Variants in ALDH5A1 observed in about 807,000 individuals in gnomAD.
ALDH5A1 encodes the protein succinate-semialdehyde dehydrogenase, mitochondrial.
In ALDH5A1, 33 loss-of-function variants were observed where a neutral mutation model predicts 54.7. That is an observed-to-expected ratio of 0.60 (90% confidence interval 0.46 to 0.81). The LOEUF (loss-of-function observed/expected upper bound fraction) is 0.81, where lower values mean the gene tolerates loss of function less well. Ranked by LOEUF, ALDH5A1 falls within the 30% of genes least tolerant of loss-of-function variation. ALDH5A1 has a pLI of 0.00. For synonymous variants in ALDH5A1, 294 were observed against 292.7 expected (o/e 1.00, Z -0.05); for missense variants, 657 against 711.0 (o/e 0.92, Z 0.86).
chr6:24,532,290 T>A, intron 9 of ALDH5A1, 113 bp downstream of exon 9: 1 of 1,044,930 alleles, frequency 9.6e-7, no homozygotes, highest in Non-Finnish European at 1.5e-6. Context: ...CAATGAGGTA[T>A]GTGTTTTGTT....
chr6:24,527,877 A>G, intron 7 of ALDH5A1, 120 bp from the exon 8 acceptor site: 1 of 1,140,300 alleles, frequency 8.8e-7, no homozygotes, highest in Non-Finnish European at 1.3e-6. Context: ...AGCATGCTTT[A>G]TTGTTAACCT....
intron 1 of ALDH5A1, among the ~76,000 whole-genome samples, chr6:24,498,366 G>A (rs1423494194): frequency 2.0e-5 from 3 of 152,172 alleles, no homozygotes; most frequent in Non-Finnish European, 2.9e-5. Context: ...TCACAGGAAA[G>A]GAGTGGACCA....
Position 24,528,020 on chromosome 6 carries a change from C to T in ALDH5A1, c.1197C>T (p.Ala399=), listed in dbSNP as rs747534238. The change falls in exon 8 of 10, where the codon GCC becomes GCT. Residue 399 remains alanine, a synonymous_variant. Coordinates refer to ENST00000357578, the MANE Select transcript of ALDH5A1 (RefSeq NM_001080.3). Reference sequence around the variant, plus strand: ...AGGTGGAGAAACAGGTGAATGATGCCGTTTCTAAAGGTGCCACCGTTGTGA... The same window carrying T: ...AGGTGGAGAAACAGGTGAATGATGCTGTTTCTAAAGGTGCCACCGTTGTGA... ...VEKVEKQVND[A]VSKGATVVTG... 6.2e-6 allele frequency: 10 copies of T among 1,613,854 alleles called. No homozygotes were observed. Among genetic ancestry groups the T allele is most frequent in the Non-Finnish European group, 8.5e-6 (10 of 1,179,948 alleles).
rs1760011305 is a variant in ALDH5A1, at chr6:24,534,761, G to A, written c.*1049G>A. The A allele has an allele frequency of 6.6e-6, 1 of 152,336 alleles. No homozygotes were observed. 9.4% of individuals were successfully genotyped at this position (152,336 alleles called of 1,614,324 possible). A position where few individuals can be genotyped will look rare whatever the true frequency, so the allele number is the denominator to read the frequency against. On this transcript the variant is annotated 3_prime_UTR_variant, in exon 10 of 10. Coordinates refer to ENST00000357578, the MANE Select transcript of ALDH5A1 (RefSeq NM_001080.3). ...AGTGCCCACTTGCCCACCGACCTGA[G>A]CCTGAGTAAGTGGCTGTCACCTGAG...
At chr6:24,503,130 A>T (rs1759238322) in intron 2 of ALDH5A1, 133 bp from the exon 3 acceptor site, 5 of 1,105,610 alleles carry the variant, frequency 4.5e-6, no homozygotes, top group Non-Finnish European at 6.5e-6. Flanking sequence ...CAAAGTCAGA[A>T]ATTTTCCCCA....
chr6:24,502,207 T>C (rs562510428), intron 1 of ALDH5A1, among the ~76,000 whole-genome samples: 16 of 152,264 alleles, frequency 1.1e-4, no homozygotes, highest in Admixed American at 9.2e-4. Flanking sequence ...GTGAATTTGC[T>C]CTTCCTCTGC....
chr6:24,502,523 G>A lies in ALDH5A1; in HGVS notation c.355G>A (p.Glu119Lys), dbSNP rs763173446. 6.2e-6 allele frequency: 10 copies of A among 1,607,640 alleles called. No homozygotes were observed. The highest frequency in any genetic ancestry group is 8.5e-6 in the Non-Finnish European group (10 of 1,174,286). The change falls in exon 2 of 10, where the codon GAG (glutamate) becomes AAG (lysine). Residue 119 changes from glutamate to lysine, a missense_variant and splice_region_variant. Coordinates refer to ENST00000357578, the MANE Select transcript of ALDH5A1 (RefSeq NM_001080.3). ...TTCTGCCTTGTTATTTCTTTTGCAG[G>A]AGAGGAGTTCATTACTTCGGAAGTG... The part of the protein sequence containing the change: ...FCRWREVSAK[E>K]RSSLLRKWYN...
intron 1 of ALDH5A1, among the ~76,000 whole-genome samples, chr6:24,497,323 G>A (rs182086393): frequency 3.3e-5 from 5 of 149,388 alleles, no homozygotes; most frequent in Admixed American, 1.3e-4. Flanking sequence ...TGATTGGTGC[G>A]TTTTACAGAG....
rs188350850 is a variant in ALDH5A1 at position 24,499,008 on chromosome 6, G to A, written c.355-3515G>A. ...CCAGCTACTCAGGAGGCTGAGCCAA[G>A]GAGAATTGCTTGAACCTGGGAGGCG... On this transcript the variant is annotated intron_variant, in intron 1 of 9. Coordinates refer to ENST00000357578, the MANE Select transcript of ALDH5A1 (RefSeq NM_001080.3). Among the ~76,000 whole-genome samples, 594 of 151,594 alleles carry A rather than the reference G, an allele frequency of 3.9e-3. 1 individual carries two copies. The highest frequency in any genetic ancestry group is 0.013 in the African/African-American group (552 of 41,318).
At chr6:24,526,692 G>GAAAT (rs1386290876) in intron 7 of ALDH5A1, among the ~76,000 whole-genome samples, 1 of 151,232 alleles carries the variant, frequency 6.6e-6, no homozygotes, top group Non-Finnish European at 1.5e-5. Flanking sequence ...GTTCTGGAGT[G>GAAAT]AAATAATTGG....
intron 1 of ALDH5A1, among the ~76,000 whole-genome samples, chr6:24,498,675 G>T (rs1175456656): frequency 2.0e-5 from 3 of 152,186 alleles, no homozygotes; most frequent in Non-Finnish European, 4.4e-5. Flanking sequence ...TTGAAAGGAG[G>T]GGTTCAGGCT....
chr6:24,516,193 T>C (rs922596627), intron 5 of ALDH5A1, among the ~76,000 whole-genome samples: 1 of 151,888 alleles, frequency 6.6e-6, no homozygotes, highest in Admixed American at 6.6e-5. Flanking sequence ...TCCCAACACT[T>C]TGGGAGGCCG....
At chr6:24,519,165 G>A (rs377193104) in intron 5 of ALDH5A1, among the ~76,000 whole-genome samples, 2 of 151,802 alleles carry the variant, frequency 1.3e-5, no homozygotes, top group Non-Finnish European at 2.9e-5. Flanking sequence ...GATCCACAGC[G>A]TTTTTTTAAT....
At chr6:24,522,695 C>T (rs1759717957) in intron 6 of ALDH5A1, 72 bp from the exon 7 acceptor site, 5 of 1,562,944 alleles carry the variant, frequency 3.2e-6, no homozygotes, top group South Asian at 1.1e-5. Context: ...GAGGCGGTAG[C>T]AGCCACACGT....
intron 8 of ALDH5A1, among the ~76,000 whole-genome samples, chr6:24,530,109 G>T (rs2744595): frequency 6.6e-6 from 1 of 152,016 alleles, no homozygotes; most frequent in South Asian, 2.1e-4. Flanking sequence ...CTGTGCCCTA[G>T]TTCTCTTGTC....
rs115401869 is a variant in ALDH5A1, at chr6:24,513,745, T to G, written c.727-1422T>G. On this transcript the variant is annotated intron_variant, in intron 4 of 9. Transcript: ENST00000357578. ...AAGGCCCTCCCACTTACAGCTGCTG[T>G]TCTCAGAGGAACAGCTGTGGACTAT... 5.7e-3 allele frequency among the ~76,000 whole-genome samples: 874 copies of G among 152,298 alleles called. 5 individuals are homozygous for G. Among genetic ancestry groups the G allele is most frequent in the South Asian group, 0.029 (140 of 4,826 alleles).
chr6:24,517,440 T>C lies in ALDH5A1; in HGVS notation c.870+2130T>C, dbSNP rs149313571. Among the ~76,000 whole-genome samples, 1,518 of 152,358 alleles carry C rather than the reference T, an allele frequency of 1.0e-2. 20 individuals are homozygous for C. The highest frequency in any genetic ancestry group is 0.02 in the Middle Eastern group (6 of 294). On this transcript the variant is annotated intron_variant, in intron 5 of 9. Transcript: ENST00000357578. Reference sequence around the variant, plus strand: ...AGGAATTTTTAGATCCATAAACTGCTATGCCCCTGATCAGTGGGTCTTACA... The same window carrying C: ...AGGAATTTTTAGATCCATAAACTGCCATGCCCCTGATCAGTGGGTCTTACA...
rs1195754016 is a variant in ALDH5A1 at position 24,537,033 on chromosome 6, A to C, written c.*3321A>C. On this transcript the variant is annotated 3_prime_UTR_variant, in exon 10 of 10. Transcript: ENST00000357578. ...GTATGTTGTCATTGTTTCATGCTAT[A>C]CTTTGTGGGATAAAACTTGGGAATG... The C allele has an allele frequency of 6.6e-6, 1 of 152,664 alleles. No homozygotes were observed. Among genetic ancestry groups the C allele is most frequent in the African/African-American group, 2.4e-5 (1 of 41,448 alleles). 9.5% of individuals were successfully genotyped at this position (152,664 alleles called of 1,614,324 possible). A position where few individuals can be genotyped will look rare whatever the true frequency, so the allele number is the denominator to read the frequency against.
At chr6:24,500,319 A>G (rs944152142) in intron 1 of ALDH5A1, among the ~76,000 whole-genome samples, 11 of 152,174 alleles carry the variant, frequency 7.2e-5, no homozygotes, top group African/African-American at 2.7e-4. Flanking sequence ...TGCATGCCCC[A>G]GTCCATATGT....
Sources: gnomAD v4.1 joint callset for allele counts (sites outside exome capture counted in the v4.1 genomes callset) on GRCh38, gnomAD v4.1.1 for gene constraint, MANE v1.5 for transcripts, NCBI Gene and HGNC (gene_info 2026-07-23, HGNC 2026-07-21) for gene names.